The following NRG2 variants were observed in gnomAD, a reference collection of about 807,000 sequenced individuals.
NRG2 encodes the protein neuregulin 2, also known as pro-neuregulin-2, membrane-bound isoform.
A neutral mutation model predicts 73.9 loss-of-function variants in NRG2; 27 were observed. The observed-to-expected ratio is 0.37, with a 90% CI of 0.27 to 0.50. The LOEUF is 0.50. Among genes scored for constraint, NRG2 ranks in the 20% least tolerant of loss-of-function variants. The pLI is 0.96. For synonymous variants in NRG2, 532 were observed against 541.0 expected (o/e 0.98, Z 0.23); for missense variants, 1,126 against 1,210.1 (o/e 0.93, Z 1.03).
At chr5:139,908,492 T>G (rs567221410) in intron 1 of NRG2, among the ~76,000 whole-genome samples, 6 of 152,310 alleles carry the variant, frequency 3.9e-5, no homozygotes, top group African/African-American at 1.4e-4. Flanking sequence ...TTAACTCACT[T>G]AATTCTTCAC....
In NRG2 at chr5:139,884,519, G is replaced by C. The variant is rs562157661; in HGVS notation, c.872+2821C>G. Among the ~76,000 whole-genome samples, 3 of 152,348 alleles carry C rather than the reference G, an allele frequency of 2.0e-5. 1 individual carries two copies. In the South Asian group the frequency reaches 6.2e-4, roughly 32 times the overall value. ...GCAGTAGGCTCTCAAGCTCTGTCTT[G>C]AATGGATGATTGAATACATGTTCCT... On this transcript the variant is annotated intron_variant, in intron 2 of 9. Coordinates refer to ENST00000361474, the MANE Select transcript of NRG2 (RefSeq NM_004883.3).
intron 1 of NRG2, among the ~76,000 whole-genome samples, chr5:140,012,051 T>C (rs532989058): frequency 6.6e-6 from 1 of 152,312 alleles, no homozygotes; most frequent in East Asian, 1.9e-4. Context: ...CCACTGCCCA[T>C]GGCACCTGGG....
intron 1 of NRG2, among the ~76,000 whole-genome samples, chr5:139,965,206 G>A (rs980112146): frequency 7.2e-5 from 11 of 152,232 alleles, no homozygotes; most frequent in African/African-American, 2.4e-4. Context: ...CTAAGAGCCT[G>A]CGTGAATGGT....
Position 139,870,462 on chromosome 5 carries a change from A to G in NRG2, c.1112+1259T>C, listed in dbSNP as rs922785678. 6.6e-6 allele frequency among the ~76,000 whole-genome samples: 1 copy of G among 152,200 alleles called. No homozygotes were observed. Among genetic ancestry groups the G allele is most frequent in the Non-Finnish European group, 1.5e-5 (1 of 68,028 alleles). On this transcript the variant is annotated intron_variant, in intron 4 of 9. Transcript: ENST00000361474. This position sits in a 1 kb window ranked among gnomAD's most constrained non-coding sequence, Gnocchi z 4.4. ...GGTCTTGAAAAGTCCTGGCCTTCTC[A>G]GACCAGGCTCACATTCCCGGGCAAG...
intron 1 of NRG2, among the ~76,000 whole-genome samples, chr5:139,976,781 G>A (rs1319043148): frequency 6.6e-6 from 1 of 152,230 alleles, no homozygotes; most frequent in Admixed American, 6.5e-5. Flanking sequence ...CCAGCTGTTA[G>A]GTTATTACTT....
chr5:140,031,985 G>A (rs1232201226), intron 1 of NRG2, among the ~76,000 whole-genome samples: 1 of 152,154 alleles, frequency 6.6e-6, no homozygotes, highest in Non-Finnish European at 1.5e-5. Flanking sequence ...TTAGGAGAAA[G>A]GATTGAGCTC....
At chr5:139,880,828 A>G in intron 3 of NRG2, 28 bp downstream of exon 3, 1 of 1,592,094 alleles carries the variant, frequency 6.3e-7, no homozygotes, top group Non-Finnish European at 8.6e-7. Flanking sequence ...CCCCTCTAGG[A>G]CCCTTCCCTC....
rs1256459253 is a variant in NRG2 at position 139,848,533 on chromosome 5, G to T, written c.1937C>A (p.Pro646Gln). 1 of 1,462,594 alleles carries T rather than the reference G, an allele frequency of 6.8e-7. No individual in the cohort carries two copies. Among genetic ancestry groups the T allele is most frequent in the Non-Finnish European group, 8.9e-7 (1 of 1,117,382 alleles). The allele number at this position is 1,462,594 out of a possible 1,614,324, so 90.6% of individuals were successfully genotyped here. The stretch of plus-strand genomic sequence containing the variant: ...GGGGGGCGCCGGGTGCCGCAGTAAC[G>T]GCTGCTGCTCGGCCAGGCGGTAACT... ...PISYRLAEQQ[P>Q]LLRHPAPPGP... The change falls in exon 10 of 10, where the codon CCG (proline) becomes CAG (glutamine). Residue 646 changes from proline (P) to glutamine (Q), a missense_variant. By Grantham distance (76) the Pro-to-Gln change is moderately conservative. Transcript: ENST00000361474.
chr5:140,018,575 A>G (rs575735904), intron 1 of NRG2, among the ~76,000 whole-genome samples: 14 of 152,278 alleles, frequency 9.2e-5, no homozygotes, highest in South Asian at 4.1e-4. Flanking sequence ...CCAATTTACT[A>G]TCTCATAGCC....
chr5:139,959,239 G>A (rs1484534469), intron 1 of NRG2, among the ~76,000 whole-genome samples: 2 of 152,090 alleles, frequency 1.3e-5, no homozygotes, highest in African/African-American at 2.4e-5. Flanking sequence ...TTGCTCTGTC[G>A]CCCAGGCTGG....
chr5:139,888,949 G>A (rs1012503047), intron 1 of NRG2, among the ~76,000 whole-genome samples: 15 of 152,152 alleles, frequency 9.9e-5, no homozygotes, highest in Non-Finnish European at 1.9e-4. Context: ...TTTGTTAAAT[G>A]CTCTCTATGT....
chr5:139,908,678 G>T (rs1765400415), intron 1 of NRG2, among the ~76,000 whole-genome samples: 1 of 152,194 alleles, frequency 6.6e-6, no homozygotes, highest in Non-Finnish European at 1.5e-5. Flanking sequence ...CTATGGTGTT[G>T]CTCAAGAAGA....
At chr5:139,940,044 G>T (rs191462335) in intron 1 of NRG2, among the ~76,000 whole-genome samples, 1 of 152,334 alleles carries the variant, frequency 6.6e-6, no homozygotes, top group East Asian at 1.9e-4. Context: ...AAATGGTACA[G>T]TTTGGTAGTT....
At chr5:139,943,921 G>A (rs891939943) in intron 1 of NRG2, among the ~76,000 whole-genome samples, 2 of 152,078 alleles carry the variant, frequency 1.3e-5, no homozygotes, top group African/African-American at 4.8e-5. Flanking sequence ...CAAACAAATG[G>A]CATGGCTATG....
At chr5:139,917,736 C>T (rs1487742802) in intron 1 of NRG2, among the ~76,000 whole-genome samples, 1 of 151,952 alleles carries the variant, frequency 6.6e-6, no homozygotes, top group Non-Finnish European at 1.5e-5. Flanking sequence ...TTAGTTGGGT[C>T]ATTTATCTTT....
chr5:139,949,381 C>A (rs1449052891), intron 1 of NRG2, among the ~76,000 whole-genome samples: 1 of 152,180 alleles, frequency 6.6e-6, no homozygotes, highest in Non-Finnish European at 1.5e-5. Flanking sequence ...AGACCCAGAA[C>A]TAATTTTTAC....
intron 1 of NRG2, among the ~76,000 whole-genome samples, chr5:139,889,209 T>C (rs1764060124): frequency 6.6e-6 from 1 of 152,206 alleles, no homozygotes; most frequent in African/African-American, 2.4e-5. Flanking sequence ...AAACCTTTTT[T>C]CTTGGAACTC....
rs180963425 is a variant in NRG2 at position 139,997,103 on chromosome 5, C to T, written c.700+45267G>A. Among the ~76,000 whole-genome samples, 226 of 152,250 alleles carry T rather than the reference C, an allele frequency of 1.5e-3. 1 individual carries two copies. The highest frequency in any genetic ancestry group is 3.5e-3 in the Admixed American group (53 of 15,302). On this transcript the variant is annotated intron_variant, in intron 1 of 9. Transcript: ENST00000361474. ...GCCGTGGTGAGCCAAGATCGCACCA[C>T]TGCACACCAGCCTGGGCAACCAGAA...
chr5:139,981,498 G>A (rs762176063), intron 1 of NRG2, among the ~76,000 whole-genome samples: 3 of 152,212 alleles, frequency 2.0e-5, no homozygotes, highest in African/African-American at 2.4e-5. Flanking sequence ...CCCTGTGGCC[G>A]TTTCCCTTCT....
Sources: allele counts gnomAD v4.1 joint callset (sites outside exome capture counted in the v4.1 genomes callset), GRCh38; gene constraint gnomAD v4.1.1; non-coding constraint Gnocchi (gnomAD v3.1); transcripts MANE v1.5; gene names NCBI Gene and HGNC (gene_info 2026-07-23, HGNC 2026-07-21).